The following FAM86B2 variants were observed in gnomAD, a reference collection of about 807,000 sequenced individuals.
FAM86B2 encodes family with sequence similarity 86 member B2.
In FAM86B2, 1 loss-of-function variant was observed where a neutral mutation model predicts 26.5. That is an observed-to-expected ratio of 0.04 (90% CI 0.01 to 0.18). The LOEUF (loss-of-function observed/expected upper bound fraction) is 0.18. FAM86B2 is among the 10% of genes least tolerant of loss of function. The probability of loss-of-function intolerance (pLI) is 1.00; values close to 1 mark genes in which losing one functional copy is unlikely to be tolerated. For synonymous variants in FAM86B2, 11 were observed against 127.8 expected, an observed-to-expected ratio of 0.09 and a Z score of 6.17; for missense variants, 43 against 303.5, an observed-to-expected ratio of 0.14 and a Z score of 6.38.
intron 6 of FAM86B2, among the ~76,000 whole-genome samples, 163 bp downstream of exon 6, chr8:12,428,470 C>A (rs1011389347): frequency 6.6e-6 from 1 of 151,988 alleles, no homozygotes; most frequent in Non-Finnish European, 1.5e-5. Flanking sequence ...CCTTAAGAGG[C>A]ACCCCTGTCC....
At position 12,424,643 on chromosome 8, in the gene FAM86B2, G is replaced by C. The variant is rs1218260811; in HGVS notation, c.*1246C>G. Among the ~76,000 whole-genome samples, 1 of 136,092 alleles carries C rather than the reference G, an allele frequency of 7.3e-6. No individual in the cohort carries two copies. The highest frequency in any genetic ancestry group is 2.6e-5 in the African/African-American group (1 of 39,122). The allele number at this position is 136,092 out of a possible 152,430, so 89.3% of individuals were successfully genotyped here. The stretch of plus-strand genomic sequence containing the variant: ...CATGTAGAGGCCGGAAGGTGCTCCA[G>C]GGCACCAAGTGTGGGAAAGTGGGAC... On this transcript the variant is annotated 3_prime_UTR_variant, in exon 8 of 8. Transcript: ENST00000262365.
At chr8:12,429,517 G>A (rs1429178256) in intron 4 of FAM86B2, among the ~76,000 whole-genome samples, 4 of 82,200 alleles carry the variant, frequency 4.9e-5, no homozygotes, top group African/African-American at 1.7e-4. Context: ...TGTCACCCAG[G>A]CTGGAGTCAG....
intron 2 of FAM86B2, among the ~76,000 whole-genome samples, chr8:12,433,776 GT>G (rs1291994191): frequency 7.6e-5 from 11 of 145,212 alleles, no homozygotes; most frequent in African/African-American, 2.8e-4. Context: ...TGTCATCTCT[GT>G]TTTTGCTGTG....
intron 7 of FAM86B2, among the ~76,000 whole-genome samples, chr8:12,426,279 C>T (rs1162818488): frequency 1.4e-5 from 2 of 146,514 alleles, no homozygotes; most frequent in Admixed American, 6.8e-5. Flanking sequence ...TCTGAACCCA[C>T]ATCTCCCTGG....
chr8:12,435,921 A>AG (rs1201426000), intron 1 of FAM86B2, among the ~76,000 whole-genome samples: 1 of 149,878 alleles, frequency 6.7e-6, no homozygotes, highest in East Asian at 1.9e-4. Flanking sequence ...AGAATGGGCG[A>AG]GTGCAGCTGT....
chr8:12,429,536 T>A (rs1156451790), intron 4 of FAM86B2, among the ~76,000 whole-genome samples: 1 of 75,554 alleles, frequency 1.3e-5, no homozygotes, highest in Non-Finnish European at 2.6e-5. Flanking sequence ...AGTGGCACGA[T>A]CTTGGCTTAC....
intron 7 of FAM86B2, among the ~76,000 whole-genome samples, chr8:12,426,233 G>A (rs1254684118): frequency 1.3e-5 from 2 of 148,244 alleles, no homozygotes; most frequent in Non-Finnish European, 3.0e-5. Context: ...GCCTGCGTCT[G>A]CCCCAGCACT....
In FAM86B2 at chr8:12,428,320, C is replaced by G. The variant is rs3988755; in HGVS notation, c.742+313G>C. ...CAAACAGCACCTTCTCTCAAGGGCC[C>G]TGACCTCGTACCAGAAGTGGTTGTT... is the stretch of plus-strand genomic sequence containing the variant. On this transcript the variant is annotated intron_variant, in intron 6 of 7. Coordinates refer to ENST00000262365, the MANE Select transcript of FAM86B2 (RefSeq NM_001137610.3). Among the ~76,000 whole-genome samples, 10 of 150,200 alleles carry G rather than the reference C, an allele frequency of 6.7e-5. No individual in the cohort carries two copies. The East Asian group carries it at 1.6e-3, about 24-fold the overall frequency.
Position 12,428,868 on chromosome 8 carries a change from GCC to G in FAM86B2, c.505_506del (p.Gly169ProfsTer108). 1.0e-6 allele frequency: 1 copy of G among 968,796 alleles called. No individual in the cohort carries two copies. The highest frequency in any genetic ancestry group is 1.4e-6 in the Non-Finnish European group (1 of 703,502). 60.0% of individuals were successfully genotyped at this position (968,796 alleles called of 1,614,324 possible). A position where few individuals can be genotyped will look rare whatever the true frequency, so the allele number is the denominator to read the frequency against. ...RTVLELGSGA[G>X]LTGLAICKMC... ...TCTTGCAGATGGCAAGGCCTGTGAG[GCC>G]GGCACCACTGCCAAGCTCTAGGACA... is the stretch of plus-strand genomic sequence containing the variant. On this transcript the variant is annotated frameshift_variant, in exon 6 of 8. Coordinates refer to ENST00000262365, the MANE Select transcript of FAM86B2 (RefSeq NM_001137610.3). LOFTEE classifies it high-confidence loss of function.
Position 12,427,642 on chromosome 8 carries a change from G to A in FAM86B2, c.892+15C>T, listed in dbSNP as rs752792013. The A allele has an allele frequency of 1.0e-5, 11 of 1,093,760 alleles. 4 individuals are homozygous for A. The highest frequency in any genetic ancestry group is 1.4e-5 in the Non-Finnish European group (11 of 797,560). 67.8% of individuals were successfully genotyped at this position (1,093,760 alleles called of 1,614,324 possible). On this transcript the variant is annotated intron_variant, in intron 7 of 7. Transcript: ENST00000262365. Reference sequence around the variant, plus strand: ...CTCGGGCACCATGTAGGCCCGGGTGGGCGTGGGGGTTCACCTAGCTCGGTG... The same window carrying A: ...CTCGGGCACCATGTAGGCCCGGGTGAGCGTGGGGGTTCACCTAGCTCGGTG...
chr8:12,435,308 TCAAA>T (rs1008325154), intron 1 of FAM86B2, among the ~76,000 whole-genome samples: 3 of 117,432 alleles, frequency 2.6e-5, no homozygotes, highest in African/African-American at 1.0e-4. Context: ...TTCACCCTAA[TCAAA>T]CAATCCCTCT....
chr8:12,428,345 T>C (rs1273784991), intron 6 of FAM86B2, among the ~76,000 whole-genome samples: 1 of 151,288 alleles, frequency 6.6e-6, no homozygotes, highest in Admixed American at 6.6e-5. Context: ...AAGTGGTTGT[T>C]TTCCTCCTGC....
At chr8:12,426,394 C>A (rs1328125549) in intron 7 of FAM86B2, among the ~76,000 whole-genome samples, 1 of 142,130 alleles carries the variant, frequency 7.0e-6, no homozygotes, top group Admixed American at 7.0e-5. Context: ...ACTATGTGTG[C>A]TGCTTGGCAC....
At chr8:12,428,155 G>A (rs1196576983) in intron 6 of FAM86B2, among the ~76,000 whole-genome samples, 2 of 130,836 alleles carry the variant, frequency 1.5e-5, no homozygotes, top group South Asian at 6.0e-4. Flanking sequence ...CTGCTGGCTT[G>A]CAGGGGTGGG....
intron 6 of FAM86B2, among the ~76,000 whole-genome samples, chr8:12,428,378 T>A (rs1284178729): frequency 3.3e-5 from 5 of 151,936 alleles, no homozygotes; most frequent in Non-Finnish European, 7.4e-5. Flanking sequence ...ACACAGGGCA[T>A]GGCTCTGGGA....
intron 4 of FAM86B2, among the ~76,000 whole-genome samples, chr8:12,429,356 G>A (rs1222421241): frequency 1.4e-4 from 2 of 14,468 alleles, no homozygotes; most frequent in Non-Finnish European, 2.2e-4. Flanking sequence ...CTGAGACAAC[G>A]GAATTCTGGC....
At chr8:12,429,592 G>T (rs1278029795) in intron 4 of FAM86B2, among the ~76,000 whole-genome samples, 2 of 39,280 alleles carry the variant, frequency 5.1e-5, no homozygotes, top group Non-Finnish European at 9.2e-5. Context: ...TGCCTCACCT[G>T]CCCAGGTAGC....
Position 12,436,203 on chromosome 8 carries a change from AC to A in FAM86B2, c.96+44del, listed in dbSNP as rs1319913085. 925 of 1,073,244 alleles carry A rather than the reference AC, an allele frequency of 8.6e-4. 1 individual carries two copies. The highest frequency in any genetic ancestry group is 2.2e-3 in the Middle Eastern group (7 of 3,226). 66.5% of individuals were successfully genotyped at this position (1,073,244 alleles called of 1,614,324 possible). A position where few individuals can be genotyped will look rare whatever the true frequency, so the allele number is the denominator to read the frequency against. ...GGAGACCCATCCCGTCTGCCCCTGG[AC>A]TCCCGCGACCCCCGCGGGCCTCTCC... On this transcript the variant is annotated intron_variant, in intron 1 of 7. Transcript: ENST00000262365.
At chr8:12,426,334 G>A (rs1357810918) in intron 7 of FAM86B2, among the ~76,000 whole-genome samples, 1 of 143,410 alleles carries the variant, frequency 7.0e-6, no homozygotes, top group African/African-American at 2.7e-5. Flanking sequence ...AAGTGGCCGG[G>A]CACAGCCAGA....
Sources: allele counts gnomAD v4.1 joint callset (sites outside exome capture counted in the v4.1 genomes callset), GRCh38; gene constraint gnomAD v4.1.1; transcripts MANE v1.5; gene names NCBI Gene and HGNC (gene_info 2026-07-23, HGNC 2026-07-21).